Variants in MAP3K5 observed in about 807,000 individuals in gnomAD.
MAP3K5 encodes ASK-1.
In MAP3K5, 56 loss-of-function variants were observed where a neutral mutation model predicts 158.7. That is an observed-to-expected ratio of 0.35 (90% CI 0.28 to 0.44). The LOEUF (loss-of-function observed/expected upper bound fraction) is 0.44. Ranked by LOEUF, MAP3K5 falls within the 20% of genes least tolerant of loss-of-function variation. The pLI is 1.00. For missense variants in MAP3K5, 1,294 were observed against 1,674.8 expected (o/e 0.77, Z 3.97); for synonymous variants, 579 against 601.7 (o/e 0.96, Z 0.55).
At chr6:136,707,206 A>G (rs1464588411) in intron 2 of MAP3K5, among the ~76,000 whole-genome samples, 1 of 152,260 alleles carries the variant, frequency 6.6e-6, no homozygotes, top group Non-Finnish European at 1.5e-5. Context: ...TCTTGCTGAT[A>G]GAAAAGGGAC....
At chr6:136,616,166 G>C (rs1001352539) in intron 15 of MAP3K5, among the ~76,000 whole-genome samples, 2 of 152,050 alleles carry the variant, frequency 1.3e-5, no homozygotes, top group Non-Finnish European at 2.9e-5. Context: ...GCTTGAGTGA[G>C]ATAACACCAG....
intron 1 of MAP3K5, among the ~76,000 whole-genome samples, chr6:136,777,125 A>G (rs1204457286): frequency 6.6e-6 from 1 of 152,230 alleles, no homozygotes; most frequent in Non-Finnish European, 1.5e-5. Context: ...CAAGCCAACT[A>G]TTCTTGTCAT....
chr6:136,777,687 A>C (rs1471060942), intron 1 of MAP3K5, among the ~76,000 whole-genome samples: 1 of 152,230 alleles, frequency 6.6e-6, no homozygotes, highest in East Asian at 1.9e-4. Flanking sequence ...AGATTTCTCC[A>C]TTAGAACATG....
chr6:136,733,092 T>C (rs1010339500), intron 1 of MAP3K5, among the ~76,000 whole-genome samples: 10 of 152,192 alleles, frequency 6.6e-5, no homozygotes, highest in Non-Finnish European at 1.3e-4. Context: ...CTCGACCTCC[T>C]GGGCTCAAGC....
intron 9 of MAP3K5, among the ~76,000 whole-genome samples, chr6:136,658,477 G>T (rs1014857374): frequency 6.6e-6 from 1 of 151,730 alleles, no homozygotes; most frequent in Non-Finnish European, 1.5e-5. Context: ...ATCATGCCCA[G>T]CTAATTTTTG....
chr6:136,737,037 G>GTATATATATATATATATATATA (rs56011325), intron 1 of MAP3K5, among the ~76,000 whole-genome samples: 95 of 126,924 alleles, frequency 7.5e-4, no homozygotes, highest in African/African-American at 3.4e-3. Flanking sequence ...ATATGTGTGT[G>GTATATATATATATATATATATA]TATATATATA....
intron 7 of MAP3K5, among the ~76,000 whole-genome samples, chr6:136,681,851 A>G (rs1431858361): frequency 6.6e-6 from 1 of 152,076 alleles, no homozygotes; most frequent in Non-Finnish European, 1.5e-5. Context: ...CCTGGGAGGC[A>G]GAGCTTGCAG....
intron 21 of MAP3K5, among the ~76,000 whole-genome samples, chr6:136,598,698 T>C (rs1775739304): frequency 6.6e-6 from 1 of 151,952 alleles, no homozygotes. Context: ...TTATGGGAGG[T>C]AGAGAACCTT....
At chr6:136,652,270 G>C (rs889456232) in intron 10 of MAP3K5, among the ~76,000 whole-genome samples, 1 of 151,980 alleles carries the variant, frequency 6.6e-6, no homozygotes. Flanking sequence ...AAGGGAGGTA[G>C]AAAAAAACAA....
intron 2 of MAP3K5, among the ~76,000 whole-genome samples, chr6:136,714,365 C>G (rs573855516): frequency 5.3e-5 from 8 of 152,238 alleles, no homozygotes; most frequent in Non-Finnish European, 1.2e-4. Context: ...CCATTTGCTT[C>G]AAATGGATAT....
chr6:136,680,841 GGCT>G (rs1779902051), intron 7 of MAP3K5, among the ~76,000 whole-genome samples: 1 of 152,164 alleles, frequency 6.6e-6, no homozygotes, highest in Non-Finnish European at 1.5e-5. Context: ...ATTCTGAGAA[GGCT>G]GGAAAGATGG....
intron 1 of MAP3K5, among the ~76,000 whole-genome samples, chr6:136,784,670 G>A (rs1784765450): frequency 6.6e-6 from 1 of 152,154 alleles, no homozygotes; most frequent in Admixed American, 6.6e-5. Context: ...TCCAATCAGA[G>A]GCTCTCAAAC....
Position 136,694,321 on chromosome 6 carries a change from A to C in MAP3K5, c.1083-11T>G, listed in dbSNP as rs530691775. On this transcript the variant is annotated splice_polypyrimidine_tract_variant and intron_variant, in intron 6 of 29. Coordinates refer to ENST00000359015, the MANE Select transcript of MAP3K5 (RefSeq NM_005923.4). ...CCAGGGAGATTTCTCCTAAGGCAGA[A>C]AACATTGTTGTTTCAATATACATTA... 4 of 1,603,958 alleles carry C rather than the reference A, an allele frequency of 2.5e-6. No individual in the cohort carries two copies. In the African/African-American group the frequency reaches 5.3e-5, roughly 21 times the overall value.
chr6:136,736,501 A>G (rs142367114), intron 1 of MAP3K5, among the ~76,000 whole-genome samples: 83 of 152,306 alleles, frequency 5.4e-4, no homozygotes, highest in African/African-American at 1.9e-3. Context: ...AGGGGGTTTG[A>G]GACTTCTTTC....
chr6:136,650,648 C>A (rs1167739344), intron 11 of MAP3K5, among the ~76,000 whole-genome samples: 1 of 152,152 alleles, frequency 6.6e-6, no homozygotes, highest in African/African-American at 2.4e-5. Context: ...ACATATGCAT[C>A]TTTTATGTCA....
chr6:136,590,001 A>C (rs1335563158), intron 23 of MAP3K5, among the ~76,000 whole-genome samples: 1 of 152,218 alleles, frequency 6.6e-6, no homozygotes, highest in African/African-American at 2.4e-5. Context: ...AGAGTCTTTA[A>C]AGAGGCATTT....
intron 1 of MAP3K5, among the ~76,000 whole-genome samples, chr6:136,724,859 T>C (rs1335135647): frequency 6.6e-6 from 1 of 152,134 alleles, no homozygotes; most frequent in African/African-American, 2.4e-5. Context: ...AATGCGTACA[T>C]ACCACCATAG....
At chr6:136,782,943 T>C (rs1369450350) in intron 1 of MAP3K5, among the ~76,000 whole-genome samples, 4 of 152,244 alleles carry the variant, frequency 2.6e-5, no homozygotes, top group Admixed American at 1.3e-4. Flanking sequence ...GCTTTTCCAC[T>C]AACCTGGCAC....
intron 25 of MAP3K5, among the ~76,000 whole-genome samples, chr6:136,577,860 T>C (rs1774688404): frequency 6.6e-6 from 1 of 152,240 alleles, no homozygotes. Context: ...CAGATTTCAC[T>C]CAGATTCTCA....
Sources: allele counts gnomAD v4.1 joint callset (sites outside exome capture counted in the v4.1 genomes callset), GRCh38; gene constraint gnomAD v4.1.1; transcripts MANE v1.5; gene names NCBI Gene and HGNC (gene_info 2026-07-23, HGNC 2026-07-21).